CDHR3: variants seen among roughly 807,000 people sequenced by gnomAD.
CDHR3 encodes cadherin related family member 3.
Under a neutral mutation model 86.6 loss-of-function variants are expected in CDHR3, and 79 were observed. That is an observed-to-expected ratio of 0.91 (90% confidence interval 0.76 to 1.10). The LOEUF (loss-of-function observed/expected upper bound fraction) is 1.10. Among genes scored for constraint, CDHR3 ranks in the 50% least tolerant of loss-of-function variants. CDHR3 has a pLI of 0.00. For missense variants in CDHR3, 1,081 were observed against 1,077.6 expected, an observed-to-expected ratio of 1.00 and a Z score of -0.04; for synonymous variants, 421 against 402.4, an observed-to-expected ratio of 1.05 and a Z score of -0.55.
rs572710638 is a variant in CDHR3, at chr7:105,982,234, C to G, written c.415+1101C>G. Among the ~76,000 whole-genome samples, 15 of 151,838 alleles carry G rather than the reference C, an allele frequency of 9.9e-5. No individual in the cohort carries two copies. The East Asian group carries it at 2.9e-3, about 30-fold the overall frequency. On this transcript the variant is annotated intron_variant, in intron 3 of 18. Transcript: ENST00000317716. ...CTGTAATCTCAGCACTTTGGGAGGC[C>G]GAGGCAGGTGGATCACGAGGTCAGG... is the stretch of plus-strand genomic sequence containing the variant.
At chr7:106,014,493 CA>C (rs2115848357) in intron 9 of CDHR3, among the ~76,000 whole-genome samples, 1 of 152,170 alleles carries the variant, frequency 6.6e-6, no homozygotes, top group Non-Finnish European at 1.5e-5. Context: ...CATGGTGGTG[CA>C]CACCCATAGT....
intron 1 of CDHR3, among the ~76,000 whole-genome samples, chr7:105,972,777 C>A (rs192844008): frequency 6.6e-6 from 1 of 152,236 alleles, no homozygotes; most frequent in Non-Finnish European, 1.5e-5. Context: ...TCACCCTAAA[C>A]TTCAGCTGTT....
At chr7:105,991,780 G>A (rs998517814) in intron 4 of CDHR3, among the ~76,000 whole-genome samples, 5 of 152,238 alleles carry the variant, frequency 3.3e-5, no homozygotes, top group Admixed American at 3.3e-4. Flanking sequence ...GGATATAGCA[G>A]TGAATAAAAT....
chr7:105,994,297 A>G (rs775132698), intron 4 of CDHR3, among the ~76,000 whole-genome samples: 7 of 151,866 alleles, frequency 4.6e-5, no homozygotes, highest in Non-Finnish European at 8.8e-5. Context: ...TAGGTATAGT[A>G]GCTGTATTAA....
At chr7:105,971,882 A>G (rs1828030346) in intron 1 of CDHR3, among the ~76,000 whole-genome samples, 3 of 152,120 alleles carry the variant, frequency 2.0e-5, no homozygotes, top group Admixed American at 1.3e-4. Flanking sequence ...TCACATCATC[A>G]AGATCTAACA....
In CDHR3 at chr7:106,032,834, T is replaced by A; in HGVS notation, c.*137T>A. The A allele has an allele frequency of 1.2e-6, 1 of 830,068 alleles. No homozygotes were observed. The highest frequency in any genetic ancestry group is 1.8e-6 in the Non-Finnish European group (1 of 546,058). The allele number at this position is 830,068 out of a possible 1,614,324, so 51.4% of individuals were successfully genotyped here. A position where few individuals can be genotyped will look rare whatever the true frequency, so the allele number is the denominator to read the frequency against. ...ACATCCAGGGTCAAACATGGGATGT[T>A]TGACAAATTTTTAAACAAATAGAAA... is the stretch of plus-strand genomic sequence containing the variant. On this transcript the variant is annotated 3_prime_UTR_variant, in exon 19 of 19. Transcript: ENST00000317716.
rs562750350 is a variant in CDHR3 at position 105,999,824 on chromosome 7, T to G, written c.714-1638T>G. Among the ~76,000 whole-genome samples the G allele has an allele frequency of 1.6e-3, 243 of 152,366 alleles. 1 individual carries two copies. The highest frequency in any genetic ancestry group is 5.6e-3 in the African/African-American group (232 of 41,596). ...GGGGTGGGTGGGCCTGAGGTCTGCA[T>G]GTCTAACCAGCTCCCTGGTGATGCT... On this transcript the variant is annotated intron_variant, in intron 6 of 18. Transcript: ENST00000317716.
chr7:105,990,056 C>G (rs987637601), intron 4 of CDHR3, among the ~76,000 whole-genome samples: 5 of 152,168 alleles, frequency 3.3e-5, no homozygotes, highest in African/African-American at 9.7e-5. Flanking sequence ...TATGTGGTCA[C>G]TGCTGGCTGT....
rs766087494 is a variant in CDHR3, at chr7:106,015,830, C to G, written c.1328-97C>G. 1.1e-5 allele frequency: 10 copies of G among 918,988 alleles called. No individual in the cohort carries two copies. In the South Asian group the frequency reaches 1.3e-4, roughly 12 times the overall value. 56.9% of individuals were successfully genotyped at this position (918,988 alleles called of 1,614,324 possible). A position where few individuals can be genotyped will look rare whatever the true frequency, so the allele number is the denominator to read the frequency against. On this transcript the variant is annotated intron_variant, in intron 10 of 18. Transcript: ENST00000317716. ...TCTTAGCCACCTGGTATCCCCTATGCGCAAAGCCTGTACACAGGAGATTCT... is the reference window on the plus strand; with the variant it reads ...TCTTAGCCACCTGGTATCCCCTATGGGCAAAGCCTGTACACAGGAGATTCT...
intron 6 of CDHR3, among the ~76,000 whole-genome samples, chr7:105,997,752 C>G (rs914290666): frequency 6.6e-6 from 1 of 152,040 alleles, no homozygotes; most frequent in Non-Finnish European, 1.5e-5. Flanking sequence ...GCTTGTAAAC[C>G]ATCTGGTTTG....
intron 2 of CDHR3, among the ~76,000 whole-genome samples, chr7:105,976,202 C>T (rs1192319710): frequency 1.3e-5 from 2 of 152,182 alleles, no homozygotes; most frequent in African/African-American, 4.8e-5. Flanking sequence ...TAAGCCTTGT[C>T]AATTGCTTAC....
rs1379043150 is a variant in CDHR3, at chr7:106,032,971, ATTG to A, written c.*279_*281del. ...AAGACTGTTAACTTTGGGGTGTGGA[ATTG>A]TTGTGTTTCTTCTTTGCATTGACTG... On this transcript the variant is annotated 3_prime_UTR_variant, in exon 19 of 19. Transcript: ENST00000317716. The A allele has an allele frequency of 7.2e-5, 31 of 429,804 alleles. No homozygotes were observed. Among genetic ancestry groups the A allele is most frequent in the Middle Eastern group, 1.2e-3 (2 of 1,676 alleles). The allele number at this position is 429,804 out of a possible 1,614,324, so 26.6% of individuals were successfully genotyped here.
In CDHR3 at chr7:106,033,038, G is replaced by C. The variant is rs1437815358; in HGVS notation, c.*341G>C. 1 of 230,270 alleles carries C rather than the reference G, an allele frequency of 4.3e-6. No individual in the cohort carries two copies. The highest frequency in any genetic ancestry group is 8.5e-6 in the Non-Finnish European group (1 of 116,974). 14.3% of individuals were successfully genotyped at this position (230,270 alleles called of 1,614,324 possible). On this transcript the variant is annotated 3_prime_UTR_variant, in exon 19 of 19. Coordinates refer to ENST00000317716, the MANE Select transcript of CDHR3 (RefSeq NM_152750.5). ...TTCTGTTCACCATAGAAAGTTTGTA[G>C]GAATTCCTGACATAAATAGTGAAGA...
chr7:105,984,207 T>C lies in CDHR3; in HGVS notation c.431T>C (p.Ile144Thr). 1.2e-6 allele frequency: 2 copies of C among 1,607,616 alleles called. No individual in the cohort carries two copies. The highest frequency in any genetic ancestry group is 1.1e-5 in the South Asian group (1 of 90,144). Reference protein sequence around the residue: ...GNLAEGLHLYIVERANPGFIY... With the variant: ...GNLAEGLHLYTVERANPGFIY... Reference sequence around the variant, plus strand: ...ACTGGTCTAGGTCTACACCTCTACATAGTAGAAAGAGCAAACCCTGGATTC... The same window carrying C: ...ACTGGTCTAGGTCTACACCTCTACACAGTAGAAAGAGCAAACCCTGGATTC... Residue 144 changes from isoleucine to threonine, a missense_variant, in exon 4 of 19, where the codon ATA becomes ACA. Ile to Thr is a moderately conservative substitution (Grantham distance 89). Coordinates refer to ENST00000317716, the MANE Select transcript of CDHR3 (RefSeq NM_152750.5).
intron 4 of CDHR3, among the ~76,000 whole-genome samples, chr7:105,993,806 C>T (rs1252362961): frequency 6.6e-6 from 1 of 151,984 alleles, no homozygotes; most frequent in Non-Finnish European, 1.5e-5. Context: ...TCCTGATGGG[C>T]TGCCATGGGT....
At chr7:106,008,213 A>T (rs187446226) in intron 8 of CDHR3, among the ~76,000 whole-genome samples, 1 of 152,164 alleles carries the variant, frequency 6.6e-6, no homozygotes, top group African/African-American at 2.4e-5. Flanking sequence ...ACCATATCAG[A>T]TACCAACCAA....
rs1422369672 is a variant in CDHR3, at chr7:106,032,903, C to T, written c.*206C>T. The T allele has an allele frequency of 1.8e-6, 1 of 551,148 alleles. No homozygotes were observed. Among genetic ancestry groups the T allele is most frequent in the African/African-American group, 1.9e-5 (1 of 53,464 alleles). The allele number at this position is 551,148 out of a possible 1,614,324, so 34.1% of individuals were successfully genotyped here. On this transcript the variant is annotated 3_prime_UTR_variant, in exon 19 of 19. Transcript: ENST00000317716. ...TGCGTGTTCTGAAATGATACAGGAA[C>T]ATTTTCTATCAGATTTCAGAACTAC...
intron 2 of CDHR3, among the ~76,000 whole-genome samples, chr7:105,977,302 A>T (rs1362023269): frequency 6.6e-6 from 1 of 152,180 alleles, no homozygotes; most frequent in Non-Finnish European, 1.5e-5. Context: ...ATTGCCATGT[A>T]TGTCTATCGC....
At chr7:106,025,885 C>T (rs1377222386) in intron 15 of CDHR3, among the ~76,000 whole-genome samples, 1 of 151,814 alleles carries the variant, frequency 6.6e-6, no homozygotes, top group Non-Finnish European at 1.5e-5. Flanking sequence ...TAAAAAAAAA[C>T]AGCTCTAAAA....
Sources: gnomAD v4.1 joint callset for allele counts (sites outside exome capture counted in the v4.1 genomes callset) on GRCh38, gnomAD v4.1.1 for gene constraint, MANE v1.5 for transcripts, NCBI Gene and HGNC (gene_info 2026-07-23, HGNC 2026-07-21) for gene names.